Variants in PHLPP1 observed in about 807,000 individuals in gnomAD.
PHLPP1 encodes the protein PH domain leucine-rich repeat-containing protein phosphatase 1.
PHLPP1 carries 42 observed loss-of-function variants against 117.2 expected under a neutral mutation model. The observed-to-expected ratio is 0.36, with a 90% CI of 0.28 to 0.46. The LOEUF is 0.46. PHLPP1 is among the 20% of genes least tolerant of loss of function. PHLPP1 has a pLI of 1.00. For synonymous variants in PHLPP1, 1,042 were observed against 970.7 expected (o/e 1.07, Z -1.37); for missense variants, 2,084 against 2,241.9 (o/e 0.93, Z 1.42).
At chr18:62,875,807 A>G (rs1916034279) in intron 4 of PHLPP1, among the ~76,000 whole-genome samples, 1 of 151,798 alleles carries the variant, frequency 6.6e-6, no homozygotes, top group African/African-American at 2.4e-5. Flanking sequence ...ATTTCAGCTC[A>G]CTGCAACCTG....
chr18:62,726,583 C>CTTTTTTTTTTTTTTTTTTTTTT (rs869190741), intron 1 of PHLPP1, among the ~76,000 whole-genome samples: 13 of 110,044 alleles, frequency 1.2e-4, no homozygotes, highest in African/African-American at 2.5e-4. Flanking sequence ...CTGTTCTGTT[C>CTTTTTTTTTTTTTTTTTTTTTT]TTTTTTTTTT....
intron 3 of PHLPP1, among the ~76,000 whole-genome samples, chr18:62,858,004 CT>C (rs994754260): frequency 6.6e-6 from 1 of 152,210 alleles, no homozygotes; most frequent in African/African-American, 2.4e-5. Context: ...GCTTTTGCAC[CT>C]ACTTTCAGGC....
intron 1 of PHLPP1, among the ~76,000 whole-genome samples, chr18:62,792,189 G>A (rs1913480730): frequency 6.6e-6 from 1 of 152,182 alleles, no homozygotes; most frequent in South Asian, 2.1e-4. Context: ...TACTGACCGA[G>A]CTTTACTTAT....
At chr18:62,905,401 T>A in intron 8 of PHLPP1, 117 bp downstream of exon 8, 1 of 442,196 alleles carries the variant, frequency 2.3e-6, no homozygotes, top group South Asian at 1.0e-4. Flanking sequence ...AAAAAATTAA[T>A]GATTTTTACT....
At chr18:62,718,401 A>C (rs762742484) in intron 1 of PHLPP1, among the ~76,000 whole-genome samples, 9 of 152,232 alleles carry the variant, frequency 5.9e-5, no homozygotes, top group Non-Finnish European at 1.2e-4. Flanking sequence ...TGTGTGTCCC[A>C]GTGGCAATTT....
At chr18:62,735,414 A>C (rs1446509949) in intron 1 of PHLPP1, among the ~76,000 whole-genome samples, 1 of 152,074 alleles carries the variant, frequency 6.6e-6, no homozygotes, top group East Asian at 1.9e-4. Context: ...ACCACACAGA[A>C]GTTCATTTCT....
At chr18:62,783,510 G>A (rs1014012590) in intron 1 of PHLPP1, among the ~76,000 whole-genome samples, 8 of 152,146 alleles carry the variant, frequency 5.3e-5, no homozygotes, top group Non-Finnish European at 8.8e-5. Flanking sequence ...TTACAGGCGT[G>A]AGCCACCACA....
At chr18:62,727,905 ATC>A (rs1284992404) in intron 1 of PHLPP1, among the ~76,000 whole-genome samples, 5 of 152,090 alleles carry the variant, frequency 3.3e-5, no homozygotes, top group Non-Finnish European at 1.5e-5. Flanking sequence ...ATTCTGTATC[ATC>A]TCTAAGTGGC....
At chr18:62,839,740 A>ATATATATAATATAATATATAAT (rs1455943519) in intron 3 of PHLPP1, 1 of 145,016 alleles carries the variant, frequency 6.9e-6, no homozygotes, top group East Asian at 1.9e-4. Flanking sequence ...ATATATATGT[A>ATATATATAATATAATATATAAT]TATATATAAT....
intron 1 of PHLPP1, among the ~76,000 whole-genome samples, chr18:62,766,647 C>A (rs1912544955): frequency 6.6e-6 from 1 of 152,072 alleles, no homozygotes. Flanking sequence ...CCAACCTACG[C>A]TTTATTAGTA....
intron 10 of PHLPP1, among the ~76,000 whole-genome samples, chr18:62,931,065 C>T (rs1439444330): frequency 6.6e-6 from 1 of 151,970 alleles, no homozygotes; most frequent in East Asian, 1.9e-4. Context: ...GGAATGGTGG[C>T]ACGTGCCTGT....
chr18:62,817,675 T>C (rs1280123496), intron 1 of PHLPP1, among the ~76,000 whole-genome samples: 1 of 151,880 alleles, frequency 6.6e-6, no homozygotes. Context: ...AAATAATGGC[T>C]GAAAAAATAT....
chr18:62,954,380 C>T (rs1280627998), intron 12 of PHLPP1, among the ~76,000 whole-genome samples: 1 of 152,212 alleles, frequency 6.6e-6, no homozygotes, highest in East Asian at 1.9e-4. Flanking sequence ...CATAGAGGTA[C>T]ATATATTAAC....
At chr18:62,923,946 A>G (rs923634045) in intron 10 of PHLPP1, among the ~76,000 whole-genome samples, 11 of 152,360 alleles carry the variant, frequency 7.2e-5, no homozygotes, top group Non-Finnish European at 1.3e-4. Context: ...AGACATCTCA[A>G]TGAGTTTAAA....
At chr18:62,805,365 C>T (rs997277188) in intron 1 of PHLPP1, among the ~76,000 whole-genome samples, 5 of 151,356 alleles carry the variant, frequency 3.3e-5, no homozygotes, top group African/African-American at 7.3e-5. Context: ...ATATACACTG[C>T]ATAGGTTATA....
At chr18:62,894,356 C>T (rs569075948) in intron 4 of PHLPP1, among the ~76,000 whole-genome samples, 131 of 152,000 alleles carry the variant, frequency 8.6e-4, no homozygotes, top group Non-Finnish European at 1.5e-3. Flanking sequence ...CCACCAGGCC[C>T]GGCTAATTTT....
At chr18:62,790,232 A>G (rs140121800) in intron 1 of PHLPP1, among the ~76,000 whole-genome samples, 1 of 152,176 alleles carries the variant, frequency 6.6e-6, no homozygotes, top group Non-Finnish European at 1.5e-5. Flanking sequence ...AGGCTAGCGA[A>G]AAAAGACCTC....
At chr18:62,769,965 T>C (rs1418927092) in intron 1 of PHLPP1, among the ~76,000 whole-genome samples, 1 of 152,220 alleles carries the variant, frequency 6.6e-6, no homozygotes, top group Admixed American at 6.5e-5. Context: ...ATAGTTCTGT[T>C]GAAGGAGGCC....
intron 4 of PHLPP1, among the ~76,000 whole-genome samples, chr18:62,871,747 C>T (rs369281436): frequency 1.1e-4 from 16 of 150,672 alleles, no homozygotes; most frequent in African/African-American, 3.2e-4. Flanking sequence ...CAGACTTAGG[C>T]GATTCTCCTG....
Sources: allele counts gnomAD v4.1 joint callset (sites outside exome capture counted in the v4.1 genomes callset), GRCh38; gene constraint gnomAD v4.1.1; transcripts MANE v1.5; gene names NCBI Gene and HGNC (gene_info 2026-07-23, HGNC 2026-07-21).